The following MEPE variants were observed in gnomAD, a reference collection of about 807,000 sequenced individuals.
MEPE encodes matrix, extracellular phosphoglycoprotein with ASARM motif (bone).
In MEPE, 7 loss-of-function variants were observed where a neutral mutation model predicts 7.3. The observed-to-expected ratio is 0.95, with a 90% confidence interval of 0.54 to 1.79. The LOEUF (loss-of-function observed/expected upper bound fraction) is 1.79. Ranked by LOEUF, MEPE falls within the 40% of genes most tolerant of loss-of-function variation. The pLI is 0.00. For synonymous variants in MEPE, 214 were observed against 213.1 expected, an observed-to-expected ratio of 1.00 and a Z score of -0.04; for missense variants, 623 against 628.2, an observed-to-expected ratio of 0.99 and a Z score of 0.09.
intron 1 of MEPE, among the ~76,000 whole-genome samples, chr4:87,827,913 A>G (rs1044054467): frequency 6.6e-5 from 10 of 152,208 alleles, no homozygotes; most frequent in African/African-American, 2.2e-4. Context: ...TGCTGACAGA[A>G]AAAATAATAA....
chr4:87,822,780 G>C (rs561332196), intron 1 of MEPE, among the ~76,000 whole-genome samples: 1 of 152,330 alleles, frequency 6.6e-6, no homozygotes, highest in African/African-American at 2.4e-5. Context: ...AGACGAATGA[G>C]AAATGGCCTT....
chr4:87,835,218 C>G (rs58430506), intron 2 of MEPE, among the ~76,000 whole-genome samples: 35,693 of 152,120 alleles, frequency 0.23, 4,860 homozygotes, highest in East Asian at 0.43. Context: ...GTATTTCTTG[C>G]AACACCCCAA....
chr4:87,834,772 A>T lies in MEPE; in HGVS notation c.54+4A>T, dbSNP rs1410451008. The T allele has an allele frequency of 6.2e-7, 1 of 1,607,912 alleles. No individual in the cohort carries two copies. The highest frequency in any genetic ancestry group is 8.5e-7 in the Non-Finnish European group (1 of 1,177,544). On this transcript the variant is annotated splice_donor_region_variant and intron_variant, in intron 2 of 3. Coordinates refer to ENST00000361056, the MANE Select transcript of MEPE (RefSeq NM_020203.6). ...CAGTGTGACCTGGGCAGCACCAGTA[A>T]GTATTTACAAATTCAATTATATTTC...
chr4:87,823,430 C>T (rs145791564), intron 1 of MEPE, among the ~76,000 whole-genome samples: 9 of 152,330 alleles, frequency 5.9e-5, no homozygotes, highest in African/African-American at 1.4e-4. Flanking sequence ...AAATATCCCT[C>T]TCCTTTTCAG....
chr4:87,843,673 C>A (rs1392880653), intron 3 of MEPE, among the ~76,000 whole-genome samples: 10 of 152,114 alleles, frequency 6.6e-5, no homozygotes, highest in Admixed American at 6.6e-4. Context: ...AGGGAATGTG[C>A]AGAAATTAAA....
At chr4:87,832,899 G>C (rs1300419647), upstream of MEPE, 1 of 152,180 alleles carries the variant, frequency 6.6e-6, no homozygotes, top group Non-Finnish European at 1.5e-5. Context: ...AGCGCTGAGT[G>C]AGCCAGTGCT....
At position 87,846,049 on chromosome 4, in the gene MEPE, C is replaced by T. The variant is rs776838991; in HGVS notation, c.1181C>T (p.Thr394Ile). ...KEGSSDAAES[T>I]NYNEIPKNGK... is the part of the protein sequence containing the mutation. ...GGCAGTAGTGATGCAGCTGAAAGTA[C>T]CAACTATAATGAAATTCCTAAAAAT... The change falls in exon 4 of 4, where the codon ACC becomes ATC. Residue 394 changes from threonine to isoleucine, a missense_variant. Physicochemically the swap from Thr to Ile is moderately conservative, Grantham distance 89 (BLOSUM62 -1). Transcript: ENST00000361056. 38 of 1,613,844 alleles carry T rather than the reference C, an allele frequency of 2.4e-5. No individual in the cohort carries two copies. Among genetic ancestry groups the T allele is most frequent in the Non-Finnish European group, 2.7e-5 (32 of 1,179,956 alleles).
At chr4:87,822,835 T>C (rs1722369192) in intron 1 of MEPE, among the ~76,000 whole-genome samples, 1 of 152,212 alleles carries the variant, frequency 6.6e-6, no homozygotes, top group African/African-American at 2.4e-5. Flanking sequence ...GAACTGCCCA[T>C]GGCATCTCTT....
intron 3 of MEPE, among the ~76,000 whole-genome samples, chr4:87,844,110 C>G (rs547014232): frequency 6.6e-6 from 1 of 152,326 alleles, no homozygotes; most frequent in African/African-American, 2.4e-5. Flanking sequence ...TCCATCTACA[C>G]TGCTCCTTTT....
chr4:87,827,804 G>C (rs1029066515), intron 1 of MEPE, among the ~76,000 whole-genome samples: 1 of 152,148 alleles, frequency 6.6e-6, no homozygotes, highest in Non-Finnish European at 1.5e-5. Flanking sequence ...TAAACAAAAA[G>C]CCCAGAGGAA....
At chr4:87,838,340 C>A (rs2110002670) in intron 2 of MEPE, among the ~76,000 whole-genome samples, 1 of 152,204 alleles carries the variant, frequency 6.6e-6, no homozygotes, top group African/African-American at 2.4e-5. Flanking sequence ...GGGTGCCATC[C>A]CTCCCTACTC....
At chr4:87,832,142 T>A (rs748910849), upstream of MEPE, among the ~76,000 whole-genome samples, 1 of 151,932 alleles carries the variant, frequency 6.6e-6, no homozygotes, top group Non-Finnish European at 1.5e-5. Flanking sequence ...GACTAGCTAG[T>A]TTCTTCTTGC....
At chr4:87,837,865 C>T (rs903393319) in intron 2 of MEPE, 2 of 152,152 alleles carry the variant, frequency 1.3e-5, no homozygotes, top group African/African-American at 4.8e-5. Flanking sequence ...GTTCTGTGTG[C>T]TTTCCTGTGG....
intron 3 of MEPE, among the ~76,000 whole-genome samples, chr4:87,839,045 G>C (rs980484397): frequency 1.3e-5 from 2 of 152,154 alleles, no homozygotes; most frequent in African/African-American, 4.8e-5. Context: ...TTTGCTCTCA[G>C]AATGATAAAT....
chr4:87,823,598 A>C (rs1187585820), intron 1 of MEPE, among the ~76,000 whole-genome samples: 3 of 152,220 alleles, frequency 2.0e-5, no homozygotes, highest in African/African-American at 7.2e-5. Context: ...GCGGGCTTCA[A>C]GAGTCTATTT....
In MEPE at chr4:87,845,775, T is replaced by C; in HGVS notation, c.907T>C (p.Tyr303His). Residue 303 changes from tyrosine (Y) to histidine (H), a missense_variant, in exon 4 of 4, where the codon TAT becomes CAT. By Grantham distance (83) the Tyr-to-His change is moderately conservative (BLOSUM62 2). Coordinates refer to ENST00000361056, the MANE Select transcript of MEPE (RefSeq NM_020203.6). ...STHLDTKKPGYNEIPEREENG... is the reference protein window; with the variant it reads ...STHLDTKKPGHNEIPEREENG... ...TCATCTTGACACAAAAAAGCCAGGT[T>C]ATAATGAGATCCCAGAGAGAGAAGA... 1.9e-6 allele frequency: 3 copies of C among 1,613,952 alleles called. No homozygotes were observed. Among genetic ancestry groups the C allele is most frequent in the Non-Finnish European group, 2.5e-6 (3 of 1,179,952 alleles).
chr4:87,845,457 C>A lies in MEPE; in HGVS notation c.589C>A (p.Pro197Thr), dbSNP rs776424745. The part of the protein sequence containing the change: ...AKAHSKDKKK[P>T]QRDSQAQKSP... Reference sequence around the variant, plus strand: ...AGCACACTCGAAGGATAAAAAGAAGCCTCAAAGAGATTCCCAAGCCCAGAA... The same window carrying A: ...AGCACACTCGAAGGATAAAAAGAAGACTCAAAGAGATTCCCAAGCCCAGAA... The change falls in exon 4 of 4, where the codon CCT becomes ACT. Residue 197 changes from proline to threonine, a missense_variant. By Grantham distance (38) the Pro-to-Thr change is conservative (BLOSUM62 -1). Transcript: ENST00000361056. The A allele has an allele frequency of 1.2e-6, 2 of 1,613,706 alleles. No homozygotes were observed. The highest frequency in any genetic ancestry group is 1.7e-6 in the Non-Finnish European group (2 of 1,179,964).
rs927449629 is a variant in MEPE, at chr4:87,846,499, G to C, written c.*53G>C. On this transcript the variant is annotated 3_prime_UTR_variant, in exon 4 of 4. Transcript: ENST00000361056. ...AGTCTGAAGACCTCGTCACCTGTGA[G>C]TTGATGTAGAGGAGAGCCACCTGAC... 7.1e-6 allele frequency: 11 copies of C among 1,559,928 alleles called. No homozygotes were observed. Among genetic ancestry groups the C allele is most frequent in the African/African-American group, 6.8e-5 (5 of 73,348 alleles).
intron 2 of MEPE, among the ~76,000 whole-genome samples, chr4:87,838,185 G>A (rs543849865): frequency 3.3e-5 from 5 of 152,224 alleles, no homozygotes; most frequent in Admixed American, 6.5e-5. Flanking sequence ...CAATATTACA[G>A]TTACTCAACT....
Sources: gnomAD v4.1 joint callset for allele counts (sites outside exome capture counted in the v4.1 genomes callset) on GRCh38, gnomAD v4.1.1 for gene constraint, MANE v1.5 for transcripts, NCBI Gene and HGNC (gene_info 2026-07-23, HGNC 2026-07-21) for gene names.